Variants in CBLN2 observed in about 807,000 individuals in gnomAD.
CBLN2 encodes cerebellin 2 precursor, also known as cerebellin-2.
CBLN2 carries 7 observed loss-of-function variants against 15.0 expected under a neutral mutation model. The ratio of observed to expected loss-of-function variants is 0.47; its 90% CI spans 0.27 to 0.88. The LOEUF (loss-of-function observed/expected upper bound fraction) is 0.88, where lower values mean the gene tolerates loss of function less well. Among genes scored for constraint, CBLN2 ranks in the 40% least tolerant of loss-of-function variants. The probability of loss-of-function intolerance (pLI) is 0.14; values close to 1 mark genes in which losing one functional copy is unlikely to be tolerated. For missense variants in CBLN2, 242 were observed against 304.5 expected (o/e 0.79, Z 1.53); for synonymous variants, 149 against 135.2 (o/e 1.10, Z -0.71).
intron 1 of CBLN2, among the ~76,000 whole-genome samples, chr18:72,558,787 C>T (rs967638776): frequency 6.6e-6 from 1 of 152,146 alleles, no homozygotes; most frequent in Non-Finnish European, 1.5e-5. Context: ...AGGCATGGTG[C>T]CTCACTCCTG....
intron 1 of CBLN2, among the ~76,000 whole-genome samples, chr18:72,600,041 C>T (rs1477726212): frequency 2.6e-5 from 4 of 152,202 alleles, no homozygotes; most frequent in African/African-American, 9.6e-5. Flanking sequence ...TGGTTACAGC[C>T]TGCTCATTTG....
chr18:72,602,695 G>A (rs76356694), intron 1 of CBLN2, among the ~76,000 whole-genome samples: 1,767 of 152,234 alleles, frequency 0.012, 38 homozygotes, highest in African/African-American at 0.04. Flanking sequence ...ATTCCCTTGA[G>A]AGAATGTAAG....
At chr18:72,622,938 G>T (rs1012924013) in intron 1 of CBLN2, among the ~76,000 whole-genome samples, 2 of 152,088 alleles carry the variant, frequency 1.3e-5, no homozygotes, top group African/African-American at 4.8e-5. Context: ...TTCCTGCATT[G>T]CTATAAAGAA....
chr18:72,580,688 A>G (rs896774402), intron 1 of CBLN2, among the ~76,000 whole-genome samples: 1 of 152,182 alleles, frequency 6.6e-6, no homozygotes, highest in African/African-American at 2.4e-5. Context: ...CATGCATTTC[A>G]AAGTATTTTA....
At chr18:72,593,722 T>G (rs1338739812) in intron 1 of CBLN2, among the ~76,000 whole-genome samples, 1 of 152,190 alleles carries the variant, frequency 6.6e-6, no homozygotes, top group African/African-American at 2.4e-5. Context: ...TATGAAGGCA[T>G]GTTGAATTTT....
intron 1 of CBLN2, among the ~76,000 whole-genome samples, chr18:72,598,104 G>C (rs955404286): frequency 6.6e-5 from 10 of 152,284 alleles, no homozygotes; most frequent in Non-Finnish European, 1.3e-4. Context: ...CTTTCCTAAA[G>C]CAGAAATAGT....
rs573845571 is a variant in CBLN2, at chr18:72,543,706, G to C, written c.-211-176C>G. ...GCGCCCGCTTAGGCGCCGCGCCCGG[G>C]ACCGGGAACCCCGCGTCTCGCCCGG... On this transcript the variant is annotated intron_variant, in intron 1 of 4. Coordinates refer to ENST00000269503, the MANE Select transcript of CBLN2 (RefSeq NM_182511.4). This position sits in a 1 kb window ranked among gnomAD's most constrained non-coding sequence, Gnocchi z 6.8. 1.2e-3 allele frequency among the ~76,000 whole-genome samples: 189 copies of C among 151,760 alleles called. No individual in the cohort carries two copies. Among genetic ancestry groups the C allele is most frequent in the African/African-American group, 4.5e-3 (185 of 41,466 alleles).
At chr18:72,550,922 G>A (rs956434771) in intron 1 of CBLN2, among the ~76,000 whole-genome samples, 14 of 151,944 alleles carry the variant, frequency 9.2e-5, no homozygotes, top group African/African-American at 3.4e-4. Context: ...ATTCTTAATA[G>A]GTACCTCACG....
chr18:72,631,619 C>T (rs1379076112), intron 1 of CBLN2, among the ~76,000 whole-genome samples: 1 of 152,070 alleles, frequency 6.6e-6, no homozygotes, highest in African/African-American at 2.4e-5. Flanking sequence ...AGTGTCACAT[C>T]TCAACTGACT....
At chr18:72,584,954 G>T (rs887275334) in intron 1 of CBLN2, among the ~76,000 whole-genome samples, 4 of 152,188 alleles carry the variant, frequency 2.6e-5, no homozygotes, top group Non-Finnish European at 5.9e-5. Context: ...AGTGAAGGGT[G>T]TGTGAGCAAG....
At chr18:72,564,908 A>G (rs764657258) in intron 1 of CBLN2, among the ~76,000 whole-genome samples, 88 of 152,238 alleles carry the variant, frequency 5.8e-4, no homozygotes, top group Non-Finnish European at 1.0e-3. Flanking sequence ...CAGCAAAAGA[A>G]AAACACTAAG....
chr18:72,580,445 C>A (rs1182520457), intron 1 of CBLN2, among the ~76,000 whole-genome samples: 1 of 152,088 alleles, frequency 6.6e-6, no homozygotes, highest in Non-Finnish European at 1.5e-5. Flanking sequence ...TCTATCATAA[C>A]CCTCCCTTTA....
intron 1 of CBLN2, among the ~76,000 whole-genome samples, chr18:72,609,994 C>T (rs2069611195): frequency 2.0e-5 from 3 of 152,142 alleles, no homozygotes; most frequent in African/African-American, 7.2e-5. Context: ...ACAGGCAGGA[C>T]CATTAATGTT....
chr18:72,624,653 A>T (rs569500341), intron 1 of CBLN2, among the ~76,000 whole-genome samples: 2 of 152,186 alleles, frequency 1.3e-5, no homozygotes, highest in South Asian at 2.1e-4. Context: ...GAAAACCAAA[A>T]ACCTATCATC....
intron 1 of CBLN2, among the ~76,000 whole-genome samples, chr18:72,579,727 G>A (rs12458112): frequency 0.53 from 80,784 of 151,470 alleles, 26,080 homozygotes; most frequent in Non-Finnish European, 0.73. Flanking sequence ...GCGAGACTCC[G>A]TCTCGCAAAA....
chr18:72,554,188 T>C (rs1441505992), intron 1 of CBLN2, among the ~76,000 whole-genome samples: 1 of 152,196 alleles, frequency 6.6e-6, no homozygotes, highest in Non-Finnish European at 1.5e-5. Flanking sequence ...ACCCTTTTTT[T>C]TTGTTTTGGT....
chr18:72,633,099 A>G (rs935299039), intron 1 of CBLN2, among the ~76,000 whole-genome samples: 5 of 152,202 alleles, frequency 3.3e-5, no homozygotes, highest in African/African-American at 1.2e-4. Context: ...TCGGGTATGT[A>G]CTAAGTATTC....
chr18:72,579,133 T>C (rs1206447963), intron 1 of CBLN2, among the ~76,000 whole-genome samples: 1 of 152,180 alleles, frequency 6.6e-6, no homozygotes, highest in Admixed American at 6.5e-5. Context: ...ACACCACTAA[T>C]TGAACTGCTG....
chr18:72,564,799 T>A (rs2069283649), intron 1 of CBLN2, among the ~76,000 whole-genome samples: 2 of 151,984 alleles, frequency 1.3e-5, no homozygotes, highest in Admixed American at 1.3e-4. Context: ...ATCCATGAAG[T>A]TCAAAAGTTT....
Sources: allele counts gnomAD v4.1 joint callset (sites outside exome capture counted in the v4.1 genomes callset), GRCh38; gene constraint gnomAD v4.1.1; non-coding constraint Gnocchi (gnomAD v3.1); transcripts MANE v1.5; gene names NCBI Gene and HGNC (gene_info 2026-07-23, HGNC 2026-07-21).